The following RIC1 variants were observed in gnomAD, a reference collection of about 807,000 sequenced individuals.
RIC1 encodes the protein RIC1 partner of RAB6A GEF complex, also known as guanine nucleotide exchange factor subunit RIC1.
RIC1 carries 88 observed loss-of-function variants against 169.0 expected under a neutral mutation model. The observed-to-expected ratio is 0.52, with a 90% CI of 0.44 to 0.62. The LOEUF (loss-of-function observed/expected upper bound fraction) is 0.62. RIC1 is among the 20% of genes least tolerant of loss of function. The pLI, the probability that RIC1 is intolerant of heterozygous loss-of-function variation, is 0.00. For missense variants in RIC1, 1,877 were observed against 1,725.5 expected (o/e 1.09, Z -1.56); for synonymous variants, 790 against 601.5 (o/e 1.31, Z -4.59).
chr9:5,676,860 G>C (rs578120566), intron 2 of RIC1, among the ~76,000 whole-genome samples: 1 of 152,134 alleles, frequency 6.6e-6, no homozygotes, highest in South Asian at 2.1e-4. Context: ...CCATTTTGTC[G>C]TGAATCAGTA....
At chr9:5,700,785 CT>C (rs1822167578) in intron 3 of RIC1, among the ~76,000 whole-genome samples, 1 of 152,134 alleles carries the variant, frequency 6.6e-6, no homozygotes. Context: ...TCACTTAAAA[CT>C]TCCTATAACT....
intron 1 of RIC1, among the ~76,000 whole-genome samples, chr9:5,645,764 T>G (rs1818476850): frequency 6.6e-6 from 1 of 152,208 alleles, no homozygotes; most frequent in African/African-American, 2.4e-5. Flanking sequence ...CTCCATTGTA[T>G]ATGTACATAC....
At position 5,774,789 on chromosome 9, in the gene RIC1, C is replaced by T. The variant is rs1586742360; in HGVS notation, c.*543C>T. On this transcript the variant is annotated 3_prime_UTR_variant, in exon 26 of 26. Transcript: ENST00000414202. The stretch of plus-strand genomic sequence containing the variant: ...GATGGAAACATTCTCCTTGGCTTTA[C>T]TAGCCAGTCAAATCCCAGTCCAGAA... 2 of 152,436 alleles carry T rather than the reference C, an allele frequency of 1.3e-5. No homozygotes were observed. The highest frequency in any genetic ancestry group is 1.9e-4 in the East Asian group (1 of 5,180). The allele number at this position is 152,436 out of a possible 1,614,324, so 9.4% of individuals were successfully genotyped here. A position where few individuals can be genotyped will look rare whatever the true frequency, so the allele number is the denominator to read the frequency against.
chr9:5,741,819 G>A (rs543779888), intron 8 of RIC1, among the ~76,000 whole-genome samples: 2 of 152,248 alleles, frequency 1.3e-5, no homozygotes, highest in East Asian at 3.9e-4. Flanking sequence ...GTTTGTGTGT[G>A]TATTTTAGGA....
At chr9:5,723,940 C>T (rs983228551) in intron 6 of RIC1, among the ~76,000 whole-genome samples, 3 of 152,122 alleles carry the variant, frequency 2.0e-5, no homozygotes, top group Non-Finnish European at 4.4e-5. Flanking sequence ...GTACCAGTAC[C>T]ATGCTGTTTT....
At chr9:5,733,541 G>A (rs1250653367) in intron 7 of RIC1, among the ~76,000 whole-genome samples, 2 of 152,018 alleles carry the variant, frequency 1.3e-5, no homozygotes, top group Non-Finnish European at 2.9e-5. Flanking sequence ...TGGATTACAG[G>A]CGTGAGCCAC....
At chr9:5,638,598 C>A (rs1214863918) in intron 1 of RIC1, among the ~76,000 whole-genome samples, 1 of 152,114 alleles carries the variant, frequency 6.6e-6, no homozygotes, top group Non-Finnish European at 1.5e-5. Flanking sequence ...TATCCATTTC[C>A]TCTAGATTTT....
At chr9:5,708,004 T>G (rs931374538) in intron 3 of RIC1, among the ~76,000 whole-genome samples, 1 of 152,088 alleles carries the variant, frequency 6.6e-6, no homozygotes, top group Non-Finnish European at 1.5e-5. Flanking sequence ...ATTGTTGTTG[T>G]TGGTTTGATT....
chr9:5,678,622 GT>G (rs1423268898), intron 2 of RIC1, among the ~76,000 whole-genome samples: 1 of 152,022 alleles, frequency 6.6e-6, no homozygotes, highest in Non-Finnish European at 1.5e-5. Context: ...TTTTTCATGT[GT>G]TTTTTGGCTG....
At chr9:5,776,833 T>C (rs1197830375), downstream of RIC1, among the ~76,000 whole-genome samples, 1 of 152,058 alleles carries the variant, frequency 6.6e-6, no homozygotes, top group East Asian at 1.9e-4. Flanking sequence ...TTAAGATACC[T>C]ACCAAGCAAA....
intron 6 of RIC1, among the ~76,000 whole-genome samples, chr9:5,721,578 G>A (rs1823591847): frequency 6.6e-6 from 1 of 152,246 alleles, no homozygotes; most frequent in Non-Finnish European, 1.5e-5. Flanking sequence ...CAAACGGGCA[G>A]TTATTTATCC....
chr9:5,721,602 G>T (rs766892141), intron 6 of RIC1, among the ~76,000 whole-genome samples: 3 of 152,188 alleles, frequency 2.0e-5, no homozygotes, highest in Non-Finnish European at 2.9e-5. Context: ...TGGATCACCA[G>T]TTTCATCTGG....
At chr9:5,726,533 G>A (rs998014231) in intron 6 of RIC1, among the ~76,000 whole-genome samples, 5 of 152,096 alleles carry the variant, frequency 3.3e-5, no homozygotes, top group Non-Finnish European at 5.9e-5. Context: ...TCTTTTAATC[G>A]GAGCATTTAG....
chr9:5,713,956 A>G lies in RIC1; in HGVS notation c.393A>G (p.Leu131=). 1 of 1,613,242 alleles carries G rather than the reference A, an allele frequency of 6.2e-7. No homozygotes were observed. The highest frequency in any genetic ancestry group is 8.5e-7 in the Non-Finnish European group (1 of 1,179,446). The change falls in exon 4 of 26, where the codon TTA becomes TTG. Residue 131 remains leucine, a synonymous_variant. Coordinates refer to ENST00000414202, the MANE Select transcript of RIC1 (RefSeq NM_020829.4). ...AGGAAGAACAGTGTGCTCCAGCATTAAATTTGGAGATGAGGAAAATACTGG... is the reference window on the plus strand; with the variant it reads ...AGGAAGAACAGTGTGCTCCAGCATTGAATTTGGAGATGAGGAAAATACTGG... ...HFKEEQCAPA[L]NLEMRKILDL... is the part of the protein sequence containing the mutation.
chr9:5,684,859 A>C (rs1046759574), intron 2 of RIC1, among the ~76,000 whole-genome samples: 12 of 152,162 alleles, frequency 7.9e-5, no homozygotes, highest in Admixed American at 7.2e-4. Context: ...ATTTACTGAG[A>C]ATTTTTAATC....
At chr9:5,746,828 G>A (rs764120442) in intron 11 of RIC1, among the ~76,000 whole-genome samples, 4 of 151,830 alleles carry the variant, frequency 2.6e-5, no homozygotes, top group African/African-American at 4.8e-5. Flanking sequence ...TAAAATTTAC[G>A]AACATCCATA....
intron 7 of RIC1, among the ~76,000 whole-genome samples, chr9:5,737,110 T>G (rs557826826): frequency 6.6e-6 from 1 of 152,190 alleles, no homozygotes; most frequent in African/African-American, 2.4e-5. Context: ...GTTGCATAAG[T>G]AATCTAAAAC....
intron 21 of RIC1, among the ~76,000 whole-genome samples, chr9:5,766,419 T>C (rs186755494): frequency 6.6e-6 from 1 of 152,260 alleles, no homozygotes; most frequent in East Asian, 1.9e-4. Context: ...TATTTAGTGG[T>C]GATTTGTGAG....
In RIC1 at chr9:5,751,014, T is replaced by G. The variant is rs902925718; in HGVS notation, c.1453-2186T>G. 1.3e-5 allele frequency among the ~76,000 whole-genome samples: 2 copies of G among 151,868 alleles called. 1 individual carries two copies. Among genetic ancestry groups the G allele is most frequent in the African/African-American group, 4.9e-5 (2 of 41,122 alleles). ...TTTGTAGAATAAAGAATAAATTGTTTTATAGATATTGATCATAGTGTGATC... is the reference window on the plus strand; with the variant it reads ...TTTGTAGAATAAAGAATAAATTGTTGTATAGATATTGATCATAGTGTGATC... On this transcript the variant is annotated intron_variant, in intron 12 of 25. Transcript: ENST00000414202.
Sources: gnomAD v4.1 joint callset for allele counts (sites outside exome capture counted in the v4.1 genomes callset) on GRCh38, gnomAD v4.1.1 for gene constraint, MANE v1.5 for transcripts, NCBI Gene and HGNC (gene_info 2026-07-23, HGNC 2026-07-21) for gene names.